The following PEAR1 variants were observed in gnomAD, a reference collection of about 807,000 sequenced individuals.
The protein encoded by PEAR1 is multiple EGF-like domains protein 12.
PEAR1 carries 113 observed loss-of-function variants against 131.2 expected under a neutral mutation model. The observed-to-expected ratio is 0.86, with a 90% CI of 0.74 to 1.01. The LOEUF is 1.01. Among genes scored for constraint, PEAR1 ranks in the 50% least tolerant of loss-of-function variants. The pLI is 0.00. For synonymous variants in PEAR1, 565 were observed against 523.3 expected (o/e 1.08, Z -1.09); for missense variants, 1,408 against 1,391.1 (o/e 1.01, Z -0.19).
In PEAR1 at chr1:156,909,040, A is replaced by G. The variant is rs748258483; in HGVS notation, c.1411+4A>G. 1 of 1,613,828 alleles carries G rather than the reference A, an allele frequency of 6.2e-7. No homozygotes were observed. The highest frequency in any genetic ancestry group is 1.7e-5 in the Admixed American group (1 of 60,016). On this transcript the variant is annotated splice_donor_region_variant and intron_variant, in intron 11 of 22. Coordinates refer to ENST00000292357, the MANE Select transcript of PEAR1 (RefSeq NM_001080471.3). ...GGCGAGTGCGTCTGCAAGGAAGGTA[A>G]TAGGGTGGAGTTTCCCAGAGAGAAG...
chr1:156,906,738 G>A lies in PEAR1; in HGVS notation c.502G>A (p.Gly168Ser). The A allele has an allele frequency of 6.2e-7, 1 of 1,614,224 alleles. No homozygotes were observed. The highest frequency in any genetic ancestry group is 8.5e-7 in the Non-Finnish European group (1 of 1,180,032). Residue 168 changes from glycine to serine, a missense_variant, in exon 6 of 23, where the codon GGT (glycine) becomes AGT (serine). Transcript: ENST00000292357. ...PKSGVCSCPS[G>S]LQPPNCLQPC... ...GAGTGGGGTATGTTCTTGCCCTTCT[G>A]GTCTGCAGCCCCCGAACTGCCTTCA...
chr1:156,900,528 C>T (rs1224141374), intron 1 of PEAR1, among the ~76,000 whole-genome samples: 2 of 152,316 alleles, frequency 1.3e-5, no homozygotes, highest in East Asian at 3.9e-4. Flanking sequence ...CCTCTCTGTG[C>T]CTGCTTCCTC....
In PEAR1 at chr1:156,912,276, T is replaced by C; in HGVS notation, c.1981T>C (p.Cys661Arg). 2 of 1,613,824 alleles carry C rather than the reference T, an allele frequency of 1.2e-6. No individual in the cohort carries two copies. The highest frequency in any genetic ancestry group is 1.1e-5 in the South Asian group (1 of 91,070). ...CCCTCCAGGACACTGGGGAGAAAAC[T>C]GTGCCCAGACCTGCCAATGTCACCA... is the stretch of plus-strand genomic sequence containing the variant. Reference protein sequence around the residue: ...PCPPGHWGENCAQTCQCHHGG... With the variant: ...PCPPGHWGENRAQTCQCHHGG... The change falls in exon 16 of 23, where the codon TGT (cysteine) becomes CGT (arginine). Residue 661 changes from cysteine to arginine, a missense_variant. By Grantham distance (180) the Cys-to-Arg change is radical. Coordinates refer to ENST00000292357, the MANE Select transcript of PEAR1 (RefSeq NM_001080471.3).
intron 3 of PEAR1, chr1:156,905,082 TGG>T (rs78436112): frequency 0.17 from 147,900 of 880,686 alleles, 14,499 homozygotes; most frequent in East Asian, 0.43. Context: ...CCTGTGGGGT[TGG>T]GGGGGGGGCA....
intron 1 of PEAR1, among the ~76,000 whole-genome samples, chr1:156,895,930 T>A (rs199798220): frequency 2.0e-5 from 3 of 151,328 alleles, no homozygotes; most frequent in Admixed American, 2.0e-4. Context: ...TTTTTTTTTT[T>A]AATTAGCTTG....
At position 156,914,778 on chromosome 1, in the gene PEAR1, C is replaced by G; in HGVS notation, c.3094C>G (p.Leu1032Val). The G allele has an allele frequency of 6.2e-7, 1 of 1,613,990 alleles. No homozygotes were observed. Among genetic ancestry groups the G allele is most frequent in the Non-Finnish European group, 8.5e-7 (1 of 1,179,892 alleles). Residue 1032 changes from leucine (L) to valine (V), a missense_variant, in exon 23 of 23, where the codon CTT becomes GTT. Leu to Val is a conservative substitution (Grantham distance 32, BLOSUM62 1). Transcript: ENST00000292357. ...AGTACGGCATCCCCCATCACCTCCA[C>G]TTCGACGCCAGGACCGTTGAGGAGC... is the stretch of plus-strand genomic sequence containing the variant. ...PPVRHPPSPP[L>V]RRQDR
chr1:156,916,209 C>A lies in PEAR1; in HGVS notation c.*1411C>A, dbSNP rs186921869. The A allele has an allele frequency of 6.6e-6, 1 of 152,340 alleles. No homozygotes were observed. The highest frequency in any genetic ancestry group is 6.5e-5 in the Admixed American group (1 of 15,302). The allele number at this position is 152,340 out of a possible 1,614,324, so 9.4% of individuals were successfully genotyped here. ...CAGAGAAATTGAAGATTTGTGTCAA[C>A]ACTGCTTTAAGCAAATCTGTTGGCA... On this transcript the variant is annotated 3_prime_UTR_variant, in exon 23 of 23. Transcript: ENST00000292357.
chr1:156,911,066 T>TTTCTTTC (rs1553269223), intron 15 of PEAR1, among the ~76,000 whole-genome samples: 2 of 114,308 alleles, frequency 1.7e-5, no homozygotes, highest in Non-Finnish European at 3.2e-5. Flanking sequence ...TCTTTCTTTC[T>TTTCTTTC]TTCTTTCTTT....
At chr1:156,894,946 T>C (rs1053348793) in intron 1 of PEAR1, among the ~76,000 whole-genome samples, 22 of 152,288 alleles carry the variant, frequency 1.4e-4, no homozygotes, top group Middle Eastern at 3.4e-3. Context: ...AACCAGCTCA[T>C]GGTATAGGGC....
chr1:156,914,274 G>A (rs1651632431), intron 22 of PEAR1, among the ~76,000 whole-genome samples, 174 bp downstream of exon 22: 1 of 152,242 alleles, frequency 6.6e-6, no homozygotes, highest in Non-Finnish European at 1.5e-5. Context: ...GCCTCTCAGA[G>A]CCTGTGTCCT....
At position 156,904,852 on chromosome 1, in the gene PEAR1, C is replaced by T. The variant is rs139444602; in HGVS notation, c.206C>T (p.Thr69Met). Residue 69 changes from threonine to methionine, a missense_variant and splice_region_variant, in exon 3 of 23, where the codon ACG (threonine) becomes ATG (methionine). Physicochemically the swap from Thr to Met is moderately conservative, Grantham distance 81 (BLOSUM62 -1). Transcript: ENST00000292357. ...WEGPHTCPQP[T>M]VVYRTVYRQV... ...GGCCCCCATACTTGCCCCCAGCCCACGTGAGTGCTCCTCATCCTCCATGGG... is the reference window on the plus strand; with the variant it reads ...GGCCCCCATACTTGCCCCCAGCCCATGTGAGTGCTCCTCATCCTCCATGGG... 2.7e-5 allele frequency: 44 copies of T among 1,613,788 alleles called. No homozygotes were observed. The highest frequency in any genetic ancestry group is 2.7e-4 in the East Asian group (12 of 44,884).
Position 156,910,675 on chromosome 1 carries a change from CCTT to C in PEAR1, c.1886_1888del (p.Phe629del), listed in dbSNP as rs769227159. 5 of 1,614,138 alleles carry C rather than the reference CCTT, an allele frequency of 3.1e-6. No individual in the cohort carries two copies. The highest frequency in any genetic ancestry group is 4.2e-6 in the Non-Finnish European group (5 of 1,180,020). ...GTGCCCTGCAAGTGCGCTAACCACTCCTTCTGCCACCCCTCGAACGGGACCTGC... is the reference window on the plus strand; with the variant it reads ...GTGCCCTGCAAGTGCGCTAACCACTCCTGCCACCCCTCGAACGGGACCTGC... On this transcript the variant is annotated inframe_deletion, in exon 15 of 23. Transcript: ENST00000292357.
intron 20 of PEAR1, 80 bp from the exon 21 acceptor site, chr1:156,913,612 C>T: frequency 1.3e-6 from 2 of 1,597,476 alleles, no homozygotes; most frequent in Non-Finnish European, 1.7e-6. Flanking sequence ...GAGACGGGGG[C>T]TCTGGGCCCC....
At chr1:156,901,749 G>C (rs1008293998) in intron 1 of PEAR1, among the ~76,000 whole-genome samples, 4 of 152,176 alleles carry the variant, frequency 2.6e-5, no homozygotes, top group Non-Finnish European at 4.4e-5. Context: ...GAGGGCTCGG[G>C]GTCCTGACCA....
Position 156,904,095 on chromosome 1 carries a change from C to A in PEAR1, c.101+68C>A, listed in dbSNP as rs576284002. The A allele has an allele frequency of 3.7e-5, 48 of 1,303,510 alleles. No individual in the cohort carries two copies. In the Admixed American group the frequency reaches 4.9e-4, roughly 13 times the overall value. The allele number at this position is 1,303,510 out of a possible 1,614,324, so 80.7% of individuals were successfully genotyped here. ...CTCCCGATTGTCCCTATTGTCCCTACTGGGGTCCTTTTCTTGGTCCTTCCT... is the reference window on the plus strand; with the variant it reads ...CTCCCGATTGTCCCTATTGTCCCTAATGGGGTCCTTTTCTTGGTCCTTCCT... On this transcript the variant is annotated intron_variant, in intron 2 of 22. Coordinates refer to ENST00000292357, the MANE Select transcript of PEAR1 (RefSeq NM_001080471.3).
intron 6 of PEAR1, among the ~76,000 whole-genome samples, chr1:156,907,121 G>A (rs148634586): frequency 6.6e-6 from 1 of 152,338 alleles, no homozygotes; most frequent in African/African-American, 2.4e-5. Context: ...TGGCAGGGTG[G>A]CTGTGAAGAT....
chr1:156,911,277 C>T (rs2103019506), intron 15 of PEAR1, among the ~76,000 whole-genome samples: 1 of 126,100 alleles, frequency 7.9e-6, no homozygotes, highest in South Asian at 2.6e-4. Context: ...CTCCCTCTCT[C>T]TTTCTTTCTT....
chr1:156,913,498 G>T lies in PEAR1; in HGVS notation c.2619G>T (p.Glu873Asp), dbSNP rs751075689. The T allele has an allele frequency of 3.1e-6, 5 of 1,612,838 alleles. No homozygotes were observed. The Admixed American group carries it at 5.0e-5, about 16-fold the overall frequency. The change falls in exon 20 of 23, where the codon GAG (glutamate) becomes GAT (aspartate). Residue 873 changes from glutamate to aspartate, a missense_variant. Glu to Asp is a conservative substitution (Grantham distance 45, BLOSUM62 2). Coordinates refer to ENST00000292357, the MANE Select transcript of PEAR1 (RefSeq NM_001080471.3). ...CTGCTGACTGGAAGCACCGCCGGGA[G>T]CCCCCTCCAGGGCCTCTGGACAGGG... ...TLPADWKHRR[E>D]PPPGPLDRGS...
At position 156,915,185 on chromosome 1, in the gene PEAR1, C is replaced by G. The variant is rs1571002522; in HGVS notation, c.*387C>G. The G allele has an allele frequency of 5.9e-6, 1 of 170,898 alleles. No individual in the cohort carries two copies. The highest frequency in any genetic ancestry group is 1.7e-4 in the East Asian group (1 of 5,888). 10.6% of individuals were successfully genotyped at this position (170,898 alleles called of 1,614,324 possible). ...GAAGGGTACCAGGCACAGGTTCTGT[C>G]CTAGGGCACTTACCATTTAGTAGGG... On this transcript the variant is annotated 3_prime_UTR_variant, in exon 23 of 23. Coordinates refer to ENST00000292357, the MANE Select transcript of PEAR1 (RefSeq NM_001080471.3).
Sources: allele counts gnomAD v4.1 joint callset (sites outside exome capture counted in the v4.1 genomes callset), GRCh38; gene constraint gnomAD v4.1.1; transcripts MANE v1.5; gene names NCBI Gene and HGNC (gene_info 2026-07-23, HGNC 2026-07-21).